Variants in GALNTL6 observed in about 807,000 individuals in gnomAD.
GALNTL6 encodes polypeptide N-acetylgalactosaminyltransferase like 6, also known as polypeptide N-acetylgalactosaminyltransferase-like 6.
GALNTL6 carries 46 observed loss-of-function variants against 73.7 expected under a neutral mutation model. The ratio of observed to expected loss-of-function variants is 0.62; its 90% CI spans 0.49 to 0.80. The LOEUF (loss-of-function observed/expected upper bound fraction) is 0.80. Ranked by LOEUF, GALNTL6 falls within the 30% of genes least tolerant of loss-of-function variation. The probability of loss-of-function intolerance (pLI) is 0.00; values close to 1 mark genes in which losing one functional copy is unlikely to be tolerated. For synonymous variants in GALNTL6, 259 were observed against 263.7 expected (o/e 0.98, Z 0.17); for missense variants, 604 against 755.0 (o/e 0.80, Z 2.34).
intron 2 of GALNTL6, among the ~76,000 whole-genome samples, chr4:171,992,977 A>T (rs1010719436): frequency 6.6e-6 from 1 of 151,212 alleles, no homozygotes; most frequent in Non-Finnish European, 1.5e-5. Context: ...AATTTCTCAG[A>T]GTTGCTTCTT....
chr4:172,421,421 C>T (rs1337734978), intron 5 of GALNTL6, among the ~76,000 whole-genome samples: 1 of 151,668 alleles, frequency 6.6e-6, no homozygotes, highest in Non-Finnish European at 1.5e-5. Flanking sequence ...ATGCTGGATA[C>T]TTGATCACAT....
At chr4:172,566,559 A>G in intron 5 of GALNTL6, among the ~76,000 whole-genome samples, 1 of 152,158 alleles carries the variant, frequency 6.6e-6, no homozygotes, top group East Asian at 1.9e-4. Flanking sequence ...AGGGAAGTTT[A>G]TAGCAATAAA....
intron 2 of GALNTL6, among the ~76,000 whole-genome samples, chr4:171,946,367 A>T (rs1738701681): frequency 6.6e-6 from 1 of 152,208 alleles, no homozygotes; most frequent in African/African-American, 2.4e-5. Context: ...CACCTGTGAC[A>T]ATATTGTCTA....
chr4:172,773,787 G>A (rs7378115), intron 5 of GALNTL6, among the ~76,000 whole-genome samples: 78,937 of 152,064 alleles, frequency 0.52, 21,348 homozygotes, highest in East Asian at 0.78. Flanking sequence ...AAATCTATTT[G>A]AAACAATGTA....
chr4:172,290,583 AAT>A (rs1739430303), intron 3 of GALNTL6, among the ~76,000 whole-genome samples: 1 of 152,060 alleles, frequency 6.6e-6, no homozygotes, highest in Non-Finnish European at 1.5e-5. Flanking sequence ...TTCCTTTGAA[AAT>A]ATTGATAATT....
chr4:172,287,128 AC>A (rs1739286383), intron 3 of GALNTL6, among the ~76,000 whole-genome samples: 1 of 152,208 alleles, frequency 6.6e-6, no homozygotes, highest in African/African-American at 2.4e-5. Flanking sequence ...CCTAACCCAG[AC>A]CATTCTTAAA....
chr4:172,989,924 A>G lies in GALNTL6; in HGVS notation c.1372-19254A>G, dbSNP rs1303769156. On this transcript the variant is annotated intron_variant, in intron 10 of 12. Transcript: ENST00000506823. ...TAAGGAATCTCAGATTAGACTTTTT[A>G]AAGCCTTGAGCCCAGCCGCAAATTT... Among the ~76,000 whole-genome samples, 5 of 152,352 alleles carry G rather than the reference A, an allele frequency of 3.3e-5. No homozygotes were observed. The East Asian group carries it at 7.7e-4, about 24-fold the overall frequency.
chr4:172,863,402 C>T (rs1161121323), intron 7 of GALNTL6, among the ~76,000 whole-genome samples: 4 of 152,164 alleles, frequency 2.6e-5, no homozygotes, highest in Admixed American at 2.6e-4. Context: ...TCCACATAGG[C>T]GGAGCTGCCC....
intron 7 of GALNTL6, among the ~76,000 whole-genome samples, chr4:172,865,933 A>G (rs1227737188): frequency 6.6e-6 from 1 of 152,306 alleles, no homozygotes; most frequent in East Asian, 1.9e-4. Flanking sequence ...AGGGAATTGC[A>G]CTGCCACCTA....
At chr4:172,965,429 A>G (rs1750277107) in intron 10 of GALNTL6, among the ~76,000 whole-genome samples, 1 of 151,948 alleles carries the variant, frequency 6.6e-6, no homozygotes, top group African/African-American at 2.4e-5. Context: ...TAAAAATACA[A>G]AAAATTAGCT....
intron 2 of GALNTL6, among the ~76,000 whole-genome samples, chr4:172,120,813 C>G (rs80268983): frequency 0.016 from 2,392 of 151,252 alleles, 26 homozygotes; most frequent in Non-Finnish European, 0.023. Context: ...GAGGCTTTGT[C>G]GAAACCTGAA....
intron 8 of GALNTL6, among the ~76,000 whole-genome samples, chr4:172,883,621 A>G (rs1364425553): frequency 6.6e-6 from 1 of 152,186 alleles, no homozygotes; most frequent in Admixed American, 6.5e-5. Context: ...AACACCTCCC[A>G]CCAGGCCTCA....
chr4:172,287,084 G>A (rs993789643), intron 3 of GALNTL6, among the ~76,000 whole-genome samples: 23 of 152,182 alleles, frequency 1.5e-4, no homozygotes, highest in Non-Finnish European at 8.8e-5. Flanking sequence ...AGCCTTGCAG[G>A]GTGGAAATCC....
chr4:172,663,141 G>A (rs1239057362), intron 5 of GALNTL6, among the ~76,000 whole-genome samples: 2 of 152,154 alleles, frequency 1.3e-5, no homozygotes, highest in Non-Finnish European at 2.9e-5. Context: ...CTGGAAATCT[G>A]ATCCCAGAGA....
At chr4:172,319,290 A>T (rs1015137932) in intron 4 of GALNTL6, among the ~76,000 whole-genome samples, 1 of 152,236 alleles carries the variant, frequency 6.6e-6, no homozygotes, top group African/African-American at 2.4e-5. Flanking sequence ...CGGCCAAAGG[A>T]TAATCTGTAA....
chr4:171,967,326 G>T (rs1481410205), intron 2 of GALNTL6, among the ~76,000 whole-genome samples: 1 of 152,038 alleles, frequency 6.6e-6, no homozygotes, highest in African/African-American at 2.4e-5. Context: ...CCATTAAAAA[G>T]AATTCTTCAT....
intron 5 of GALNTL6, among the ~76,000 whole-genome samples, chr4:172,370,314 CA>C (rs1742748079): frequency 6.6e-6 from 1 of 151,978 alleles, no homozygotes; most frequent in South Asian, 2.1e-4. Context: ...ATAGAGGGTC[CA>C]AAGGCGAGTA....
intron 2 of GALNTL6, among the ~76,000 whole-genome samples, chr4:172,206,615 G>A (rs187523130): frequency 6.6e-6 from 1 of 152,040 alleles, no homozygotes; most frequent in Non-Finnish European, 1.5e-5. Context: ...AGGCATTTTT[G>A]AGTAAGTGCC....
intron 3 of GALNTL6, among the ~76,000 whole-genome samples, chr4:172,247,070 A>G (rs1404755656): frequency 6.6e-6 from 1 of 152,098 alleles, no homozygotes; most frequent in Non-Finnish European, 1.5e-5. Flanking sequence ...TGATGATTCA[A>G]TTAATGTGAC....
Sources: allele counts gnomAD v4.1 joint callset (sites outside exome capture counted in the v4.1 genomes callset), GRCh38; gene constraint gnomAD v4.1.1; transcripts MANE v1.5; gene names NCBI Gene and HGNC (gene_info 2026-07-23, HGNC 2026-07-21).